Variants in SYN3 observed in about 807,000 individuals in gnomAD.
The protein encoded by SYN3 is synapsin-3.
A neutral mutation model predicts 65.8 loss-of-function variants in SYN3; 35 were observed. That is an observed-to-expected ratio of 0.53 (90% confidence interval 0.41 to 0.70). The LOEUF (loss-of-function observed/expected upper bound fraction) is 0.70. SYN3 is among the 30% of genes least tolerant of loss of function. The pLI is 0.00. For missense variants in SYN3, 680 were observed against 749.0 expected (o/e 0.91, Z 1.08); for synonymous variants, 270 against 292.9 (o/e 0.92, Z 0.80).
chr22:32,645,340 A>T (rs131063), intron 6 of SYN3, among the ~76,000 whole-genome samples: 58,512 of 151,708 alleles, frequency 0.39, 12,794 homozygotes, highest in African/African-American at 0.58. Flanking sequence ...AATCCCAGCT[A>T]CTTGGGAGGC....
At position 33,006,786 on chromosome 22, in the gene SYN3, C is replaced by A. The variant is rs957858875; in HGVS notation, c.-124G>T. 11 of 946,688 alleles carry A rather than the reference C, an allele frequency of 1.2e-5. No homozygotes were observed. The South Asian group carries it at 2.0e-4, about 17-fold the overall frequency. The allele number at this position is 946,688 out of a possible 1,614,324, so 58.6% of individuals were successfully genotyped here. ...AGCCAGAAGAGCCAGGGGGATTTTG[C>A]GCAACCAGCAGTCAGCTTTAGCTGC... On this transcript the variant is annotated 5_prime_UTR_variant, in exon 2 of 14. Transcript: ENST00000358763.
chr22:33,032,243 C>T (rs1399234607), intron 1 of SYN3, among the ~76,000 whole-genome samples: 1 of 146,000 alleles, frequency 6.8e-6, no homozygotes, highest in Non-Finnish European at 1.5e-5. Flanking sequence ...CATGGTGGCT[C>T]ACACCTGTAA....
intron 6 of SYN3, among the ~76,000 whole-genome samples, chr22:32,799,548 C>T (rs528888649): frequency 6.6e-6 from 1 of 152,124 alleles, no homozygotes; most frequent in Non-Finnish European, 1.5e-5. Context: ...TTGGACAAAA[C>T]TGAAATGTGA....
intron 6 of SYN3, among the ~76,000 whole-genome samples, chr22:32,736,712 T>C (rs902769247): frequency 2.0e-5 from 3 of 152,300 alleles, no homozygotes; most frequent in Non-Finnish European, 2.9e-5. Context: ...TACTGTCTCC[T>C]ATTTTACAGA....
intron 8 of SYN3, among the ~76,000 whole-genome samples, chr22:32,540,536 AAGAT>A (rs1328017349): frequency 2.6e-5 from 4 of 152,220 alleles, no homozygotes; most frequent in African/African-American, 7.2e-5. Flanking sequence ...TCCAGAGTGA[AAGAT>A]AGAGAGGGCT....
At chr22:32,978,316 G>A (rs139303069) in intron 3 of SYN3, among the ~76,000 whole-genome samples, 11 of 152,186 alleles carry the variant, frequency 7.2e-5, no homozygotes, top group Middle Eastern at 3.4e-3. Context: ...ACAGGGAGAG[G>A]GGCACATCCG....
At chr22:32,603,437 G>A (rs990814829) in intron 6 of SYN3, among the ~76,000 whole-genome samples, 1 of 150,608 alleles carries the variant, frequency 6.6e-6, no homozygotes, top group South Asian at 2.1e-4. Context: ...GGGGAATGGC[G>A]TCAATCCAGG....
In SYN3 at chr22:32,833,667, T is replaced by A. The variant is rs570521856; in HGVS notation, c.711+31248A>T. ...GGACCCAGAGATGAGAAGTAGGGGC[T>A]CCCAATTCAGGCTGCCTGGACTGGC... On this transcript the variant is annotated intron_variant, in intron 6 of 13. Transcript: ENST00000358763. Among the ~76,000 whole-genome samples, 19 of 152,300 alleles carry A rather than the reference T, an allele frequency of 1.2e-4. No homozygotes were observed. The East Asian group carries it at 2.7e-3, about 22-fold the overall frequency.
intron 1 of SYN3, among the ~76,000 whole-genome samples, chr22:33,032,943 G>T (rs2145904582): frequency 6.6e-6 from 1 of 152,082 alleles, no homozygotes; most frequent in East Asian, 1.9e-4. Flanking sequence ...TAACCTGATG[G>T]CCTCAGGCAC....
intron 6 of SYN3, among the ~76,000 whole-genome samples, chr22:32,743,313 C>T (rs2044829613): frequency 6.6e-6 from 1 of 152,172 alleles, no homozygotes; most frequent in South Asian, 2.1e-4. Context: ...TTCAATGTCT[C>T]ACCAGCAGAA....
At chr22:32,613,655 G>A (rs1399051836) in intron 6 of SYN3, among the ~76,000 whole-genome samples, 2 of 152,256 alleles carry the variant, frequency 1.3e-5, no homozygotes, top group African/African-American at 4.8e-5. Context: ...TTCATTGAAT[G>A]AATGTAGGCA....
At chr22:32,677,442 G>A (rs2060461779) in intron 6 of SYN3, among the ~76,000 whole-genome samples, 1 of 152,132 alleles carries the variant, frequency 6.6e-6, no homozygotes, top group African/African-American at 2.4e-5. Flanking sequence ...ATAAATTGTG[G>A]CTCAATCACA....
Position 32,605,065 on chromosome 22 carries a change from C to G in SYN3, c.712-8329G>C, listed in dbSNP as rs538544888. 3.3e-5 allele frequency among the ~76,000 whole-genome samples: 5 copies of G among 151,032 alleles called. No individual in the cohort carries two copies. The East Asian group carries it at 9.7e-4, about 29-fold the overall frequency. ...ATCTTTTTTTTAACTGTCTGTTTCTCCACTCCCCATAGGTGGTCTGAGGAC... is the reference window on the plus strand; with the variant it reads ...ATCTTTTTTTTAACTGTCTGTTTCTGCACTCCCCATAGGTGGTCTGAGGAC... On this transcript the variant is annotated intron_variant, in intron 6 of 13. Coordinates refer to ENST00000358763, the MANE Select transcript of SYN3 (RefSeq NM_003490.4).
intron 4 of SYN3, among the ~76,000 whole-genome samples, chr22:32,886,900 C>G (rs1011692793): frequency 6.6e-6 from 1 of 152,214 alleles, no homozygotes; most frequent in Non-Finnish European, 1.5e-5. Flanking sequence ...GACCCTGCCT[C>G]TCATGTTCAA....
chr22:33,027,668 A>G (rs772182609), intron 1 of SYN3, among the ~76,000 whole-genome samples: 1 of 151,846 alleles, frequency 6.6e-6, no homozygotes, highest in Admixed American at 6.6e-5. Context: ...AAGAAAGAAA[A>G]AGAAAGAAAA....
At chr22:32,763,522 C>T (rs1427979639) in intron 6 of SYN3, among the ~76,000 whole-genome samples, 1 of 152,156 alleles carries the variant, frequency 6.6e-6, no homozygotes, top group Non-Finnish European at 1.5e-5. Flanking sequence ...CTCATTTAGT[C>T]TTCAAGGCAA....
intron 1 of SYN3, among the ~76,000 whole-genome samples, chr22:33,036,306 T>C (rs569219896): frequency 2.8e-4 from 43 of 152,284 alleles, no homozygotes; most frequent in Admixed American, 9.8e-4. Flanking sequence ...TCAGTTGTCA[T>C]AGGGGACCAG....
intron 6 of SYN3, among the ~76,000 whole-genome samples, chr22:32,600,147 G>C (rs1361309899): frequency 6.6e-6 from 1 of 152,084 alleles, no homozygotes; most frequent in African/African-American, 2.4e-5. Flanking sequence ...CCATAATGTA[G>C]GATTAGTGGG....
intron 6 of SYN3, among the ~76,000 whole-genome samples, chr22:32,694,494 C>T (rs1176185587): frequency 6.6e-6 from 1 of 152,166 alleles, no homozygotes; most frequent in African/African-American, 2.4e-5. Context: ...GATCCTGGAA[C>T]AACACAGGGT....
Sources: allele counts gnomAD v4.1 joint callset (sites outside exome capture counted in the v4.1 genomes callset), GRCh38; gene constraint gnomAD v4.1.1; transcripts MANE v1.5; gene names NCBI Gene and HGNC (gene_info 2026-07-23, HGNC 2026-07-21).